PRSS55: variants seen among roughly 807,000 people sequenced by gnomAD.
The protein encoded by PRSS55 is probable serine protease UNQ9391/PRO34284.
A neutral mutation model predicts 23.6 loss-of-function variants in PRSS55; 41 were observed. The ratio of observed to expected loss-of-function variants is 1.74; its 90% confidence interval spans 1.35 to 2.26. PRSS55 has a LOEUF of 2.26. PRSS55 is among the 30% of genes most tolerant of loss of function. PRSS55 has a pLI of 0.00. For synonymous variants in PRSS55, 262 were observed against 175.5 expected, an observed-to-expected ratio of 1.49 and a Z score of -3.90; for missense variants, 669 against 439.1, an observed-to-expected ratio of 1.52 and a Z score of -4.68.
In PRSS55 at chr8:10,538,700, C is replaced by G. The variant is rs1318594938; in HGVS notation, c.966C>G (p.Ser322=). The G allele has an allele frequency of 2.5e-6, 4 of 1,614,016 alleles. No individual in the cohort carries two copies. The African/African-American group carries it at 5.3e-5, about 22-fold the overall frequency. ...RTSVKQKPMG[S]PVSGVPEPGS... ...CTGTCAAACAGAAACCTATGGGCTC[C>G]CCAGTCTCGGGAGTCCCAGAGCCAG... Residue 322 remains serine (S), a synonymous_variant, in exon 5 of 5, where the codon TCC becomes TCG. Transcript: ENST00000328655.
intron 4 of PRSS55, among the ~76,000 whole-genome samples, chr8:10,546,037 G>C (rs10108562): frequency 0.091 from 13,862 of 152,108 alleles, 860 homozygotes; most frequent in African/African-American, 0.17. Flanking sequence ...CAGATGGGGA[G>C]AGGAAGACAG....
At position 10,553,907 on chromosome 8, in the gene PRSS55, T is replaced by C. The variant is rs1040123039; in HGVS notation, c.742-36T>C. 9 of 1,386,526 alleles carry C rather than the reference T, an allele frequency of 6.5e-6. No homozygotes were observed. In the African/African-American group the frequency reaches 1.0e-4, roughly 16 times the overall value. 85.9% of individuals were successfully genotyped at this position (1,386,526 alleles called of 1,614,324 possible). A position where few individuals can be genotyped will look rare whatever the true frequency, so the allele number is the denominator to read the frequency against. On this transcript the variant is annotated intron_variant, in intron 4 of 4. Transcript: ENST00000522210. ...CACATTGTACAATAAATACATAAAA[T>C]TTTTTTAATTTGTCAATTTAATTTT...
At chr8:10,528,830 G>A (rs906325593) in intron 1 of PRSS55, among the ~76,000 whole-genome samples, 1 of 152,238 alleles carries the variant, frequency 6.6e-6, no homozygotes, top group Non-Finnish European at 1.5e-5. Flanking sequence ...CGCTCTAGGG[G>A]AAAATTATTT....
chr8:10,554,125 C>G (rs1813010725), exon 5 of PRSS55: 2 of 759,778 alleles, frequency 2.6e-6, no homozygotes, highest in African/African-American at 1.8e-5. Flanking sequence ...AGGGTGTTTT[C>G]TGTCCAAATG....
At position 10,538,624 on chromosome 8, in the gene PRSS55, A is replaced by G; in HGVS notation, c.890A>G (p.Lys297Arg). The change falls in exon 5 of 5, where the codon AAA becomes AGA. Residue 297 changes from lysine to arginine, a missense_variant. Physicochemically the swap from Lys to Arg is conservative, Grantham distance 26. Coordinates refer to ENST00000328655, the MANE Select transcript of PRSS55 (RefSeq NM_198464.4). ...SLVNYNLWIE[K>R]VTQLEGRPFN... ...GTGAACTACAACCTCTGGATCGAGA[A>G]AGTGACCCAGCTAGAGGGCAGGCCC... The G allele has an allele frequency of 6.2e-7, 1 of 1,614,122 alleles. No homozygotes were observed.
intron 1 of PRSS55, 50 bp from the exon 2 acceptor site, chr8:10,529,457 G>A: frequency 6.3e-7 from 1 of 1,581,070 alleles, no homozygotes; most frequent in Non-Finnish European, 8.7e-7. Flanking sequence ...CACACTGGAT[G>A]CTGACTAAGT....
At chr8:10,542,464 C>A (rs1372172794), downstream of PRSS55, among the ~76,000 whole-genome samples, 3 of 146,800 alleles carry the variant, frequency 2.0e-5, no homozygotes, top group Non-Finnish European at 3.0e-5. Flanking sequence ...AGTTTGAAAA[C>A]CTTTGGCCTC....
intron 4 of PRSS55, among the ~76,000 whole-genome samples, chr8:10,536,546 CAAG>C (rs1178290520): frequency 6.6e-6 from 1 of 152,108 alleles, no homozygotes; most frequent in African/African-American, 2.4e-5. Context: ...ATTATTCTAC[CAAG>C]AAGACACATG....
downstream of PRSS55, among the ~76,000 whole-genome samples, chr8:10,541,950 A>AT (rs1036834520): frequency 2.0e-5 from 3 of 152,072 alleles, no homozygotes; most frequent in East Asian, 5.8e-4. Flanking sequence ...ATTTTTTAAA[A>AT]TTTTTTGTAG....
At chr8:10,535,323 C>T (rs544760264) in intron 4 of PRSS55, among the ~76,000 whole-genome samples, 4 of 152,200 alleles carry the variant, frequency 2.6e-5, no homozygotes, top group Non-Finnish European at 5.9e-5. Flanking sequence ...AACTATACTA[C>T]AGGGCTATGG....
At chr8:10,542,741 C>T (rs913648383), downstream of PRSS55, among the ~76,000 whole-genome samples, 86 of 151,668 alleles carry the variant, frequency 5.7e-4, no homozygotes, top group African/African-American at 1.6e-3. Context: ...GGTGTGGTGG[C>T]GGGTGCCTGT....
chr8:10,552,586 CAAAT>C (rs1213601073), intron 4 of PRSS55, among the ~76,000 whole-genome samples: 1 of 152,166 alleles, frequency 6.6e-6, no homozygotes, highest in Non-Finnish European at 1.5e-5. Context: ...AGTAAGAAAA[CAAAT>C]AACCCAATTT....
At position 10,525,661 on chromosome 8, in the gene PRSS55, G is replaced by A. The variant is rs373245354; in HGVS notation, c.76G>A (p.Glu26Lys). 22 of 1,614,034 alleles carry A rather than the reference G, an allele frequency of 1.4e-5. No individual in the cohort carries two copies. The African/African-American group carries it at 2.9e-4, about 22-fold the overall frequency. Residue 26 changes from glutamate (E) to lysine (K), a missense_variant, in exon 1 of 5, where the codon GAG becomes AAG. Physicochemically the swap from Glu to Lys is moderately conservative, Grantham distance 56 (BLOSUM62 1). Coordinates refer to ENST00000328655, the MANE Select transcript of PRSS55 (RefSeq NM_198464.4). ...GCTCGGTCCACGGACTCCTCTCCCAGAGGCTGGAGTGGCTATCCTAGGCAG... is the reference window on the plus strand; with the variant it reads ...GCTCGGTCCACGGACTCCTCTCCCAAAGGCTGGAGTGGCTATCCTAGGCAG... ...TQLGPRTPLP[E>K]AGVAILGRAR...
rs1812256177 is a variant in PRSS55, at chr8:10,531,403, C to T, written c.456C>T (p.Asn152=). The stretch of plus-strand genomic sequence containing the variant: ...TTCACAAAGACTTTAAGAGAGCCAA[C>T]ATGGACAATGACATTGCCTTGCTGC... ...IILHKDFKRA[N]MDNDIALLLL... is the part of the protein sequence containing the mutation. Residue 152 remains asparagine (N), a synonymous_variant, in exon 3 of 5, where the codon AAC becomes AAT. Coordinates refer to ENST00000328655, the MANE Select transcript of PRSS55 (RefSeq NM_198464.4). 1 of 1,614,240 alleles carries T rather than the reference C, an allele frequency of 6.2e-7. No individual in the cohort carries two copies. Among genetic ancestry groups the T allele is most frequent in the Middle Eastern group, 1.6e-4 (1 of 6,062 alleles).
intron 4 of PRSS55, among the ~76,000 whole-genome samples, chr8:10,547,158 C>T (rs1812837438): frequency 6.6e-6 from 1 of 152,212 alleles, no homozygotes; most frequent in South Asian, 2.1e-4. Flanking sequence ...TATAGCTCCG[C>T]AATTCCCGCC....
chr8:10,534,820 T>C (rs1246802268), intron 4 of PRSS55, among the ~76,000 whole-genome samples: 1 of 152,208 alleles, frequency 6.6e-6, no homozygotes, highest in Non-Finnish European at 1.5e-5. Context: ...GAAAACCCCA[T>C]AGTCTCTGCC....
intron 4 of PRSS55, among the ~76,000 whole-genome samples, chr8:10,548,845 G>T (rs940608277): frequency 1.3e-5 from 2 of 152,072 alleles, no homozygotes; most frequent in African/African-American, 4.8e-5. Flanking sequence ...CGTGTGTCAG[G>T]CACTGTGCTG....
intron 2 of PRSS55, 36 bp downstream of exon 2, chr8:10,529,735 G>GGC (rs1812180482): frequency 3.8e-6 from 6 of 1,590,136 alleles, no homozygotes; most frequent in Non-Finnish European, 4.3e-6. Flanking sequence ...CACCTCTCAG[G>GGC]GCGCCCACCC....
chr8:10,529,155 G>T (rs1812150171), intron 1 of PRSS55, among the ~76,000 whole-genome samples: 1 of 152,164 alleles, frequency 6.6e-6, no homozygotes, highest in Admixed American at 6.5e-5. Flanking sequence ...GGGGGCTATT[G>T]TCCTGCCCAC....
Sources: allele counts gnomAD v4.1 joint callset (sites outside exome capture counted in the v4.1 genomes callset), GRCh38; gene constraint gnomAD v4.1.1; transcripts MANE v1.5; gene names NCBI Gene and HGNC (gene_info 2026-07-23, HGNC 2026-07-21).